The following ZNF273 variants were observed in gnomAD, a reference collection of about 807,000 sequenced individuals.
ZNF273 encodes the protein zinc finger protein 273.
Under a neutral mutation model 14.9 loss-of-function variants are expected in ZNF273, and 11 were observed. The observed-to-expected ratio is 0.74, with a 90% CI of 0.46 to 1.22. The LOEUF (loss-of-function observed/expected upper bound fraction) is 1.22, where lower values mean the gene tolerates loss of function less well. Among genes scored for constraint, ZNF273 ranks in the 50% most tolerant of loss-of-function variants. The probability of loss-of-function intolerance (pLI) is 0.00; values close to 1 mark genes in which losing one functional copy is unlikely to be tolerated. For synonymous variants in ZNF273, 199 were observed against 223.9 expected, an observed-to-expected ratio of 0.89 and a Z score of 0.99; for missense variants, 577 against 660.6, an observed-to-expected ratio of 0.87 and a Z score of 1.39.
rs371004042 is a variant in ZNF273, at chr7:64,903,294, T to C, written c.-24T>C. On this transcript the variant is annotated 5_prime_UTR_variant, in exon 1 of 4. Coordinates refer to ENST00000476120, the MANE Select transcript of ZNF273 (RefSeq NM_021148.3). ...CTTTGTCTCTCGCTGCAGTCGCAGCTCCAGGTCTCGTCTTCACTGCTCTAT... is the reference window on the plus strand; with the variant it reads ...CTTTGTCTCTCGCTGCAGTCGCAGCCCCAGGTCTCGTCTTCACTGCTCTAT... 3.2e-6 allele frequency: 5 copies of C among 1,583,848 alleles called. No individual in the cohort carries two copies. The highest frequency in any genetic ancestry group is 1.3e-5 in the African/African-American group (1 of 74,094).
At chr7:64,907,387 T>G (rs1450954341) in intron 1 of ZNF273, among the ~76,000 whole-genome samples, 3 of 152,222 alleles carry the variant, frequency 2.0e-5, no homozygotes. Flanking sequence ...TCCTATACAT[T>G]TCTTCCATTT....
chr7:64,926,881 C>T (rs991991508), intron 3 of ZNF273, among the ~76,000 whole-genome samples: 20 of 152,150 alleles, frequency 1.3e-4, no homozygotes, highest in African/African-American at 4.3e-4. Flanking sequence ...TACACCTGTT[C>T]CTTGTCTGTG....
chr7:64,889,105 C>A (rs1791794970), downstream of ZNF273: 1 of 985,830 alleles, frequency 1.0e-6, no homozygotes, highest in African/African-American at 1.7e-5. This position sits in a 1 kb window ranked among gnomAD's most constrained non-coding sequence, Gnocchi z 4.2. Flanking sequence ...AGTCCGGGCT[C>A]CGGGAGCCAA....
intron 3 of ZNF273, among the ~76,000 whole-genome samples, chr7:64,922,684 G>A (rs1794556056): frequency 6.6e-6 from 1 of 151,688 alleles, no homozygotes; most frequent in Admixed American, 6.6e-5. Context: ...CCTGGGATCA[G>A]GTTATTAGTC....
intron 1 of ZNF273, among the ~76,000 whole-genome samples, chr7:64,907,432 G>A (rs1400964194): frequency 6.6e-6 from 1 of 152,130 alleles, no homozygotes; most frequent in Non-Finnish European, 1.5e-5. Flanking sequence ...ATAATAAACT[G>A]GTCAACATAA....
downstream of ZNF273, chr7:64,889,638 C>T (rs1363116249): frequency 2.2e-5 from 22 of 985,900 alleles, no homozygotes; most frequent in East Asian, 1.1e-4. The surrounding 1 kb of genome is among the most constrained non-coding windows in gnomAD (Gnocchi z 4.2). Context: ...TGCTGCTGAC[C>T]GGAGCCGCCT....
intron 2 of ZNF273, among the ~76,000 whole-genome samples, chr7:64,878,782 C>T (rs982961722): frequency 4.6e-5 from 7 of 152,210 alleles, no homozygotes; most frequent in African/African-American, 1.7e-4. Context: ...TTAACTTCCA[C>T]TCTGGACTTC....
intron 1 of ZNF273, among the ~76,000 whole-genome samples, chr7:64,887,350 CT>C (rs11339559): frequency 0.31 from 47,522 of 151,900 alleles, 8,412 homozygotes; most frequent in Non-Finnish European, 0.38. Context: ...TCATGATCAT[CT>C]CCTTCCACGT....
chr7:64,880,795 T>C (rs1279695104), downstream of ZNF273, among the ~76,000 whole-genome samples: 1 of 152,006 alleles, frequency 6.6e-6, no homozygotes, highest in Non-Finnish European at 1.5e-5. Context: ...AACCCCCGAG[T>C]GCCTCCTTTT....
chr7:64,933,903 T>C (rs1411463744), downstream of ZNF273, among the ~76,000 whole-genome samples: 1 of 152,204 alleles, frequency 6.6e-6, no homozygotes, highest in African/African-American at 2.4e-5. Context: ...CTTAGCATTT[T>C]TCTTAGCACT....
downstream of ZNF273, chr7:64,888,997 G>T (rs1264675027): frequency 2.0e-6 from 2 of 985,812 alleles, no homozygotes; most frequent in Non-Finnish European, 1.2e-6. Context: ...TAAGGGCAAG[G>T]GGCCAAGCAG....
At chr7:64,900,422 T>A (rs1330859522), upstream of ZNF273, among the ~76,000 whole-genome samples, 1 of 152,160 alleles carries the variant, frequency 6.6e-6, no homozygotes, top group Non-Finnish European at 1.5e-5. Context: ...AAGAAATTGT[T>A]TAGGCAGATA....
intron 1 of ZNF273, among the ~76,000 whole-genome samples, chr7:64,915,920 G>C (rs1488719453): frequency 6.6e-6 from 1 of 151,978 alleles, no homozygotes; most frequent in Non-Finnish European, 1.5e-5. Flanking sequence ...AGATGGCCAG[G>C]CATGATGGTT....
At chr7:64,907,316 T>C (rs1196055206) in intron 1 of ZNF273, among the ~76,000 whole-genome samples, 1 of 152,220 alleles carries the variant, frequency 6.6e-6, no homozygotes, top group African/African-American at 2.4e-5. Context: ...ATAATTTTAT[T>C]AATCACAGCT....
rs1382437497 is a variant in ZNF273, at chr7:64,929,036, T to TA, written c.1709dup (p.Ter570=). 1 of 1,535,120 alleles carries TA rather than the reference T, an allele frequency of 6.5e-7. No individual in the cohort carries two copies. Among genetic ancestry groups the TA allele is most frequent in the African/African-American group, 1.4e-5 (1 of 72,098 alleles). ...HKRNHMGEKS[*] ...AAGAAATCATATGGGTGAGAAATCC[T>TA]AGAAATGTGAAGAATGTGACAAAGC... Residue 570 remains the stop codon, a frameshift_variant and stop_retained_variant, in exon 4 of 4, where the codon TAG becomes TAAG. Coordinates refer to ENST00000476120, the MANE Select transcript of ZNF273 (RefSeq NM_021148.3). LOFTEE classifies it high-confidence loss of function.
intron 3 of ZNF273, among the ~76,000 whole-genome samples, chr7:64,927,439 C>T (rs1197575400): frequency 6.6e-6 from 1 of 152,208 alleles, no homozygotes; most frequent in Non-Finnish European, 1.5e-5. Flanking sequence ...TTACCTGGGG[C>T]ACTGCACACA....
intron 1 of ZNF273, among the ~76,000 whole-genome samples, chr7:64,908,018 C>T (rs956548731): frequency 1.3e-5 from 2 of 152,234 alleles, no homozygotes; most frequent in East Asian, 1.9e-4. Context: ...CATTTTTGAT[C>T]CTGGTATTTT....
chr7:64,905,109 CTTTTTTTTT>C (rs61024093), intron 1 of ZNF273, among the ~76,000 whole-genome samples: 2 of 75,376 alleles, frequency 2.7e-5, no homozygotes, highest in Non-Finnish European at 5.1e-5. Flanking sequence ...TCCTGGTGCA[CTTTTTTTTT>C]TTTTTTTTTT....
chr7:64,912,347 A>C (rs912064987), intron 1 of ZNF273, among the ~76,000 whole-genome samples: 1 of 152,136 alleles, frequency 6.6e-6, no homozygotes, highest in African/African-American at 2.4e-5. Flanking sequence ...TATCTTTGTT[A>C]ATTTCCTGCC....
Sources: allele counts gnomAD v4.1 joint callset (sites outside exome capture counted in the v4.1 genomes callset), GRCh38; gene constraint gnomAD v4.1.1; non-coding constraint Gnocchi (gnomAD v3.1); transcripts MANE v1.5; gene names NCBI Gene and HGNC (gene_info 2026-07-23, HGNC 2026-07-21).